The following USP15 variants were observed in gnomAD, a reference collection of about 807,000 sequenced individuals.
The protein encoded by USP15 is ubiquitin specific peptidase 15.
USP15 carries 18 observed loss-of-function variants against 127.1 expected under a neutral mutation model. The ratio of observed to expected loss-of-function variants is 0.14; its 90% CI spans 0.10 to 0.21. USP15 has a LOEUF of 0.21. Ranked by LOEUF, USP15 falls within the 10% of genes least tolerant of loss-of-function variation. USP15 has a pLI of 1.00. For missense variants in USP15, 805 were observed against 1,159.9 expected (o/e 0.69, Z 4.44); for synonymous variants, 364 against 393.7 (o/e 0.92, Z 0.89).
intron 11 of USP15, among the ~76,000 whole-genome samples, chr12:62,385,582 T>G (rs1379667517): frequency 5.3e-5 from 8 of 152,008 alleles, no homozygotes; most frequent in Admixed American, 2.6e-4. Context: ...CATATCAGTA[T>G]TTCACTGGAG....
At chr12:62,362,722 T>C (rs764870289) in intron 8 of USP15, among the ~76,000 whole-genome samples, 5 of 152,168 alleles carry the variant, frequency 3.3e-5, no homozygotes, top group Non-Finnish European at 7.4e-5. Flanking sequence ...AATCACTAAT[T>C]ATGCCATGAT....
chr12:62,366,200 T>C (rs189780447), intron 8 of USP15, among the ~76,000 whole-genome samples: 134 of 152,328 alleles, frequency 8.8e-4, no homozygotes, highest in Non-Finnish European at 1.5e-3. Context: ...TGTTTTTCCA[T>C]TTGTTTGTGT....
intron 3 of USP15, among the ~76,000 whole-genome samples, chr12:62,314,420 CAG>C (rs1474863141): frequency 6.6e-6 from 1 of 151,764 alleles, no homozygotes; most frequent in Non-Finnish European, 1.5e-5. Context: ...AATGTATAAA[CAG>C]AGAACGTACA....
At chr12:62,388,694 C>G (rs562592017) in intron 11 of USP15, among the ~76,000 whole-genome samples, 1 of 152,204 alleles carries the variant, frequency 6.6e-6, no homozygotes, top group East Asian at 1.9e-4. Flanking sequence ...GATGGAAGGG[C>G]TAGAAGACAG....
intron 6 of USP15, among the ~76,000 whole-genome samples, chr12:62,326,459 T>C (rs1185179342): frequency 6.6e-6 from 1 of 152,162 alleles, no homozygotes; most frequent in African/African-American, 2.4e-5. Context: ...ACAAGGCCAG[T>C]TGTGTTTAAA....
rs1046330957 is a variant in USP15 at position 62,383,776 on chromosome 12, G to T, written c.1090-64G>T. 9.8e-6 allele frequency: 15 copies of T among 1,524,166 alleles called. No individual in the cohort carries two copies. The South Asian group carries it at 1.2e-4, about 13-fold the overall frequency. The allele number at this position is 1,524,166 out of a possible 1,614,324, so 94.4% of individuals were successfully genotyped here. A position where few individuals can be genotyped will look rare whatever the true frequency, so the allele number is the denominator to read the frequency against. Reference sequence around the variant, plus strand: ...AATCCATGAATAATGAGAATCTATTGTACATATGTTTAAAAATCAACCCTG... The same window carrying T: ...AATCCATGAATAATGAGAATCTATTTTACATATGTTTAAAAATCAACCCTG... On this transcript the variant is annotated intron_variant, in intron 9 of 21. Coordinates refer to ENST00000280377, the MANE Select transcript of USP15 (RefSeq NM_001252078.2).
chr12:62,369,444 G>A (rs2066589305), intron 8 of USP15, among the ~76,000 whole-genome samples: 1 of 150,350 alleles, frequency 6.7e-6, no homozygotes, highest in South Asian at 2.1e-4. Context: ...AAACATATTG[G>A]AATCCTTTAT....
rs2068073525 is a variant in USP15, at chr12:62,413,024, T to C, written c.*8649T>C. 6.6e-6 allele frequency: 1 copy of C among 152,230 alleles called. No homozygotes were observed. Among genetic ancestry groups the C allele is most frequent in the South Asian group, 2.1e-4 (1 of 4,830 alleles). The allele number at this position is 152,230 out of a possible 1,614,324, so 9.4% of individuals were successfully genotyped here. On this transcript the variant is annotated 3_prime_UTR_variant, in exon 22 of 22. Coordinates refer to ENST00000280377, the MANE Select transcript of USP15 (RefSeq NM_001252078.2). ...TGATAAGACTTGAAAGCTGAAGTTA[T>C]TCTTTGATCTATGGCTGCAGAATGG...
intron 11 of USP15, among the ~76,000 whole-genome samples, chr12:62,386,006 T>C (rs117523768): frequency 1.9e-4 from 29 of 152,182 alleles, no homozygotes; most frequent in Non-Finnish European, 3.5e-4. Flanking sequence ...GTCCATAAGG[T>C]ATATGATAAG....
chr12:62,291,458 C>T (rs2063966128), intron 1 of USP15, among the ~76,000 whole-genome samples: 1 of 152,030 alleles, frequency 6.6e-6, no homozygotes, highest in Non-Finnish European at 1.5e-5. Context: ...TCACATTTTC[C>T]ATGAATCTCA....
chr12:62,338,860 T>C (rs146661438), intron 6 of USP15, among the ~76,000 whole-genome samples: 3,338 of 152,286 alleles, frequency 0.022, 122 homozygotes, highest in African/African-American at 0.075. Flanking sequence ...CCATGCTGTT[T>C]TGGTTACTAT....
intron 8 of USP15, among the ~76,000 whole-genome samples, chr12:62,360,340 A>G (rs1356629704): frequency 6.6e-6 from 1 of 152,004 alleles, no homozygotes; most frequent in Non-Finnish European, 1.5e-5. Context: ...TTTTTTTTCT[A>G]TGATCTGTTT....
At chr12:62,392,701 A>G (rs1321708190) in intron 18 of USP15, among the ~76,000 whole-genome samples, 2 of 152,070 alleles carry the variant, frequency 1.3e-5, no homozygotes, top group African/African-American at 4.8e-5. Context: ...AAATGTAGTG[A>G]TATATTTTGT....
chr12:62,325,814 A>C, intron 5 of USP15, 58 bp from the exon 6 acceptor site: 2 of 1,427,274 alleles, frequency 1.4e-6, no homozygotes, highest in Non-Finnish European at 1.9e-6. Flanking sequence ...CTATCTTCTA[A>C]AGTTATTTTA....
intron 6 of USP15, among the ~76,000 whole-genome samples, chr12:62,347,017 A>T (rs1190689052): frequency 6.6e-6 from 1 of 150,376 alleles, no homozygotes; most frequent in Non-Finnish European, 1.5e-5. Flanking sequence ...ATTTGTTATC[A>T]TACTTGTATT....
intron 3 of USP15, chr12:62,304,676 C>T (rs1401330447): frequency 2.2e-6 from 1 of 451,038 alleles, no homozygotes; most frequent in Non-Finnish European, 4.5e-6. Context: ...TTTATAGTGT[C>T]AACACTCAAA....
chr12:62,263,829 C>T (rs1218085003), intron 1 of USP15, among the ~76,000 whole-genome samples: 2 of 152,068 alleles, frequency 1.3e-5, no homozygotes, highest in Non-Finnish European at 2.9e-5. Flanking sequence ...AGAATTGTAT[C>T]GCTTAGGATG....
At chr12:62,307,462 A>G (rs1317424485) in intron 3 of USP15, among the ~76,000 whole-genome samples, 6 of 152,176 alleles carry the variant, frequency 3.9e-5, no homozygotes, top group African/African-American at 1.2e-4. Context: ...TTAAAAGGCT[A>G]TGTTCTGTGT....
chr12:62,299,724 T>TTTA (rs1449448751), intron 2 of USP15, among the ~76,000 whole-genome samples: 1 of 152,232 alleles, frequency 6.6e-6, no homozygotes, highest in Non-Finnish European at 1.5e-5. Context: ...GTTGTTTAAC[T>TTTA]ATTTTAGGAA....
Sources: gnomAD v4.1 joint callset for allele counts (sites outside exome capture counted in the v4.1 genomes callset) on GRCh38, gnomAD v4.1.1 for gene constraint, MANE v1.5 for transcripts, NCBI Gene and HGNC (gene_info 2026-07-23, HGNC 2026-07-21) for gene names.